ANKRD11: variants seen among roughly 807,000 people sequenced by gnomAD.
ANKRD11 encodes the protein ankyrin repeat domain-containing protein 11.
ANKRD11 carries 17 observed loss-of-function variants against 195.7 expected under a neutral mutation model. That is an observed-to-expected ratio of 0.09 (90% CI 0.06 to 0.13). ANKRD11 has a LOEUF of 0.13. Among genes scored for constraint, ANKRD11 ranks in the 10% least tolerant of loss-of-function variants. ANKRD11 has a pLI of 1.00. For missense variants in ANKRD11, 3,735 were observed against 3,566.1 expected, an observed-to-expected ratio of 1.05 and a Z score of -1.21; for synonymous variants, 1,953 against 1,528.1, an observed-to-expected ratio of 1.28 and a Z score of -6.49.
intron 1 of ANKRD11, among the ~76,000 whole-genome samples, chr16:89,440,258 C>T (rs2043389366): frequency 6.6e-6 from 1 of 152,142 alleles, no homozygotes; most frequent in African/African-American, 2.4e-5. Flanking sequence ...GTAAAATGTA[C>T]ATGTTCCCCT....
intron 3 of ANKRD11, chr16:89,313,583 GA>G (rs1334541443): frequency 3.9e-6 from 5 of 1,288,966 alleles, no homozygotes; most frequent in African/African-American, 1.5e-5. Flanking sequence ...GATTCTTTTG[GA>G]AAAATCTAAA....
intron 2 of ANKRD11, among the ~76,000 whole-genome samples, chr16:89,414,427 G>A (rs2042216310): frequency 6.6e-6 from 1 of 152,194 alleles, no homozygotes; most frequent in South Asian, 2.1e-4. Context: ...GGGTCACGCA[G>A]CCGCACCGCC....
At chr16:89,430,412 T>A (rs1478049009) in intron 1 of ANKRD11, among the ~76,000 whole-genome samples, 156 of 116,930 alleles carry the variant, frequency 1.3e-3, no homozygotes, top group African/African-American at 5.0e-3. Flanking sequence ...TCACGCTCAG[T>A]CGTTCTAGTA....
rs764784949 is a variant in ANKRD11, at chr16:89,278,913, T to C, written c.7470+159A>G. On this transcript the variant is annotated intron_variant, in intron 9 of 12. Transcript: ENST00000301030. ...AGCTGGGCAGCTTCCGGCTTTTGCC[T>C]CCACAGCAGAAGTGGGGCTGTGTCT... 1.9e-5 allele frequency: 24 copies of C among 1,246,898 alleles called. No individual in the cohort carries two copies. In the African/African-American group the frequency reaches 2.7e-4, roughly 14 times the overall value. 77.2% of individuals were successfully genotyped at this position (1,246,898 alleles called of 1,614,324 possible).
At chr16:89,419,226 C>A (rs367592986) in intron 1 of ANKRD11, among the ~76,000 whole-genome samples, 4 of 151,690 alleles carry the variant, frequency 2.6e-5, no homozygotes, top group East Asian at 3.9e-4. Context: ...CCGAGGTGGG[C>A]GGATCACTTG....
intron 9 of ANKRD11, chr16:89,278,552 CT>C (rs2033859397): frequency 4.4e-6 from 2 of 456,878 alleles, no homozygotes; most frequent in Non-Finnish European, 8.8e-6. Context: ...CAAGGTGAGG[CT>C]GGGGGCCGAG....
chr16:89,378,291 T>G (rs572656606), intron 2 of ANKRD11, among the ~76,000 whole-genome samples: 39 of 152,332 alleles, frequency 2.6e-4, no homozygotes, highest in African/African-American at 8.9e-4. Flanking sequence ...AATTAAATAC[T>G]CGGGGTATAA....
intron 1 of ANKRD11, among the ~76,000 whole-genome samples, chr16:89,449,802 GAA>G (rs997925364): frequency 2.6e-5 from 4 of 152,160 alleles, no homozygotes; most frequent in African/African-American, 9.6e-5. Flanking sequence ...TCAAAAAAAA[GAA>G]AAGTGTGCAT....
intron 1 of ANKRD11, among the ~76,000 whole-genome samples, chr16:89,437,240 C>A (rs2043253162): frequency 6.6e-6 from 1 of 152,212 alleles, no homozygotes; most frequent in African/African-American, 2.4e-5. Flanking sequence ...AGTGGCCTCT[C>A]ATTCCATGAA....
At chr16:89,327,038 G>C (rs967134039) in intron 2 of ANKRD11, among the ~76,000 whole-genome samples, 12 of 151,990 alleles carry the variant, frequency 7.9e-5, no homozygotes, top group Admixed American at 7.2e-4. Flanking sequence ...GCAGAGGTGG[G>C]GAATGCAGAG....
chr16:89,484,325 G>A (rs1009364338), intron 1 of ANKRD11, among the ~76,000 whole-genome samples: 1 of 152,096 alleles, frequency 6.6e-6, no homozygotes, highest in African/African-American at 2.4e-5. Context: ...GTCCTTCACT[G>A]CGTCTTACCT....
chr16:89,479,797 G>C (rs921535167), intron 1 of ANKRD11, among the ~76,000 whole-genome samples: 14 of 151,840 alleles, frequency 9.2e-5, no homozygotes, highest in African/African-American at 3.4e-4. Flanking sequence ...CAAAAAATTA[G>C]CCGGGGGTGG....
chr16:89,411,953 C>T (rs1022585259), intron 2 of ANKRD11, among the ~76,000 whole-genome samples: 1 of 142,338 alleles, frequency 7.0e-6, no homozygotes, highest in Non-Finnish European at 1.5e-5. Flanking sequence ...CTGGCCGTGC[C>T]CCATCCCTCC....
intron 4 of ANKRD11, among the ~76,000 whole-genome samples, chr16:89,302,047 G>T (rs192410958): frequency 5.4e-4 from 82 of 152,342 alleles, no homozygotes; most frequent in African/African-American, 1.9e-3. Context: ...GACCAGAGAA[G>T]AGTCTCTTGT....
chr16:89,316,190 G>C (rs2036945911), intron 3 of ANKRD11, among the ~76,000 whole-genome samples: 1 of 151,630 alleles, frequency 6.6e-6, no homozygotes, highest in Non-Finnish European at 1.5e-5. Context: ...ACACGATACT[G>C]TGCCTGCTGC....
At chr16:89,345,493 G>A (rs762655384) in intron 2 of ANKRD11, among the ~76,000 whole-genome samples, 14 of 152,234 alleles carry the variant, frequency 9.2e-5, no homozygotes, top group Non-Finnish European at 1.8e-4. Context: ...CGGAGGCAGA[G>A]ACCAGGCCCT....
At chr16:89,289,215 G>A (rs914090098) in intron 6 of ANKRD11, among the ~76,000 whole-genome samples, 5 of 152,132 alleles carry the variant, frequency 3.3e-5, no homozygotes, top group South Asian at 2.1e-4. Context: ...GCACGCATCC[G>A]TGGAAACAGA....
chr16:89,303,728 A>T (rs1292222633), intron 4 of ANKRD11, among the ~76,000 whole-genome samples: 2 of 152,198 alleles, frequency 1.3e-5, no homozygotes, highest in African/African-American at 4.8e-5. Flanking sequence ...CCCACATAGG[A>T]CAGGAGGGGC....
At position 89,384,429 on chromosome 16, in the gene ANKRD11, G is replaced by A. The variant is rs544457183; in HGVS notation, c.-60+33855C>T. Among the ~76,000 whole-genome samples, 3 of 152,226 alleles carry A rather than the reference G, an allele frequency of 2.0e-5. No individual in the cohort carries two copies. In the South Asian group the frequency reaches 6.2e-4, roughly 32 times the overall value. On this transcript the variant is annotated intron_variant, in intron 2 of 12. Coordinates refer to ENST00000301030, the MANE Select transcript of ANKRD11 (RefSeq NM_013275.6). ...GGCTGTAATCCCAGCTATGTGGGGG[G>A]CTGAGGCAGAGCAGAACGGGATGGG...
Sources: allele counts gnomAD v4.1 joint callset (sites outside exome capture counted in the v4.1 genomes callset), GRCh38; gene constraint gnomAD v4.1.1; transcripts MANE v1.5; gene names NCBI Gene and HGNC (gene_info 2026-07-23, HGNC 2026-07-21).